Variants in PHTF1 observed in about 807,000 individuals in gnomAD.
PHTF1 encodes putative homeodomain transcription factor 1, also known as protein PHTF1.
In PHTF1, 88 loss-of-function variants were observed where a neutral mutation model predicts 102.4. The observed-to-expected ratio is 0.86, with a 90% CI of 0.72 to 1.03. The LOEUF is 1.03. Ranked by LOEUF, PHTF1 falls within the 50% of genes least tolerant of loss-of-function variation. The probability of loss-of-function intolerance (pLI) is 0.00; values close to 1 mark genes in which losing one functional copy is unlikely to be tolerated. For synonymous variants in PHTF1, 289 were observed against 305.2 expected, an observed-to-expected ratio of 0.95 and a Z score of 0.55; for missense variants, 814 against 909.5, an observed-to-expected ratio of 0.89 and a Z score of 1.35.
chr1:113,732,180 GA>G (rs1189074874), intron 5 of PHTF1, among the ~76,000 whole-genome samples: 3 of 152,190 alleles, frequency 2.0e-5, no homozygotes, highest in African/African-American at 7.2e-5. Flanking sequence ...AAGCATGAGA[GA>G]AAATGTGGGA....
At position 113,757,689 on chromosome 1, in the gene PHTF1, A is replaced by G; in HGVS notation, c.102+10T>C. ...GTGAAACATAGGCGGAATCAAAGAA[A>G]TCAATTTACCTTAATCTGAGTCTGT... is the stretch of plus-strand genomic sequence containing the variant. On this transcript the variant is annotated intron_variant, in intron 3 of 18. Transcript: ENST00000369604. The G allele has an allele frequency of 6.3e-7, 1 of 1,582,886 alleles. No individual in the cohort carries two copies. The highest frequency in any genetic ancestry group is 8.7e-7 in the Non-Finnish European group (1 of 1,151,658).
chr1:113,758,758 G>C (rs1241715854), intron 1 of PHTF1, 25 bp from the exon 2 acceptor site: 2 of 1,592,458 alleles, frequency 1.3e-6, no homozygotes, highest in African/African-American at 2.7e-5. Context: ...AAACCAATCG[G>C]TGAGTCCAGC....
intron 7 of PHTF1, among the ~76,000 whole-genome samples, chr1:113,717,044 CA>C (rs1652166367): frequency 6.6e-6 from 1 of 151,964 alleles, no homozygotes; most frequent in South Asian, 2.1e-4. Flanking sequence ...ATACAAACAA[CA>C]AAAAGTTAAA....
chr1:113,706,851 CTTTTTTTTTTTTT>C (rs11363653), intron 11 of PHTF1, 129 bp from the exon 12 acceptor site: 4 of 217,654 alleles, frequency 1.8e-5, no homozygotes, highest in African/African-American at 4.4e-5. Context: ...TTCTTTCTTT[CTTTTTTTTTTTTT>C]TTTTTTTTTT....
In PHTF1 at chr1:113,726,333, G is replaced by C. The variant is rs1264933172; in HGVS notation, c.488+85C>G. On this transcript the variant is annotated intron_variant, in intron 6 of 18. Transcript: ENST00000369604. ...AATAATGAAAAACACAAAAGAGGGA[G>C]ATTTTAAATTAATCAAAGGTTTTAT... The C allele has an allele frequency of 5.8e-6, 6 of 1,042,644 alleles. No homozygotes were observed. In the Admixed American group the frequency reaches 1.6e-4, roughly 28 times the overall value. 64.6% of individuals were successfully genotyped at this position (1,042,644 alleles called of 1,614,324 possible). A position where few individuals can be genotyped will look rare whatever the true frequency, so the allele number is the denominator to read the frequency against.
chr1:113,697,678 AG>A lies in PHTF1; in HGVS notation c.*26del. 6.6e-7 allele frequency: 1 copy of A among 1,508,628 alleles called. No homozygotes were observed. The highest frequency in any genetic ancestry group is 9.0e-7 in the Non-Finnish European group (1 of 1,109,000). The allele number at this position is 1,508,628 out of a possible 1,614,324, so 93.5% of individuals were successfully genotyped here. A position where few individuals can be genotyped will look rare whatever the true frequency, so the allele number is the denominator to read the frequency against. On this transcript the variant is annotated 3_prime_UTR_variant, in exon 19 of 19. Coordinates refer to ENST00000369604, the MANE Select transcript of PHTF1 (RefSeq NM_001323043.2). ...TGATAGGTAAGTTTTGATACCAGCCAGGGGAGAGTCCAGGCATTTACTCAGC... is the reference window on the plus strand; with the variant it reads ...TGATAGGTAAGTTTTGATACCAGCCAGGGAGAGTCCAGGCATTTACTCAGC...
chr1:113,701,859 A>AAAAAAAAAAAAAAAAAAAT (rs1649489061), intron 15 of PHTF1, among the ~76,000 whole-genome samples: 2 of 138,144 alleles, frequency 1.4e-5, no homozygotes, highest in African/African-American at 2.8e-5. Context: ...AAAAAAAAAA[A>AAAAAAAAAAAAAAAAAAAT]TCATTCAGAA....
intron 3 of PHTF1, among the ~76,000 whole-genome samples, chr1:113,739,436 C>CT (rs1424497992): frequency 3.3e-5 from 5 of 152,068 alleles, no homozygotes; most frequent in Admixed American, 1.3e-4. Context: ...TAACTTCCAT[C>CT]TTTTTTTTGC....
intron 10 of PHTF1, 142 bp downstream of exon 10, chr1:113,711,604 G>C: frequency 1.6e-6 from 1 of 625,214 alleles, no homozygotes. Context: ...AAAGCTGCTA[G>C]ATAAGGAGAT....
intron 3 of PHTF1, chr1:113,746,871 A>G (rs1390199542): frequency 1.1e-6 from 1 of 905,024 alleles, no homozygotes; most frequent in African/African-American, 1.8e-5. Context: ...TGATTCATAC[A>G]TCCTAGCTAT....
Position 113,726,537 on chromosome 1 carries a change from C to T in PHTF1, c.369G>A (p.Val123=), listed in dbSNP as rs1653863046. The stretch of plus-strand genomic sequence containing the variant: ...AGGGTCCAAGTACTTCACTTATGTT[C>T]ACAATAGGCATCATCAAATATAAGA... ...AIVLYLMMPI[V]NISEVLGPLC... Residue 123 remains valine (V), a synonymous_variant, in exon 6 of 19, where the codon GTG becomes GTA. Coordinates refer to ENST00000369604, the MANE Select transcript of PHTF1 (RefSeq NM_001323043.2). 6.2e-7 allele frequency: 1 copy of T among 1,601,938 alleles called. No individual in the cohort carries two copies. Among genetic ancestry groups the T allele is most frequent in the South Asian group, 1.1e-5 (1 of 88,684 alleles).
intron 3 of PHTF1, among the ~76,000 whole-genome samples, chr1:113,743,497 T>C (rs922641575): frequency 1.3e-5 from 2 of 152,214 alleles, no homozygotes; most frequent in African/African-American, 4.8e-5. Flanking sequence ...GAGTCCACTC[T>C]AAAATTAAAC....
At chr1:113,750,261 G>GT (rs1557973028) in intron 3 of PHTF1, among the ~76,000 whole-genome samples, 1 of 152,088 alleles carries the variant, frequency 6.6e-6, no homozygotes, top group Admixed American at 6.6e-5. Flanking sequence ...GATTATAGGC[G>GT]TGAGCGACCA....
At chr1:113,746,781 A>C (rs1259867364) in intron 3 of PHTF1, 1 of 556,090 alleles carries the variant, frequency 1.8e-6, no homozygotes, top group Non-Finnish European at 2.3e-6. Flanking sequence ...TGTAAAATTA[A>C]ATCTTTATTT....
chr1:113,745,079 C>T (rs1657023608), intron 3 of PHTF1, among the ~76,000 whole-genome samples: 1 of 151,222 alleles, frequency 6.6e-6, no homozygotes, highest in South Asian at 2.1e-4. Flanking sequence ...CATGAGAGGA[C>T]CCAGGAATAA....
intron 11 of PHTF1, among the ~76,000 whole-genome samples, chr1:113,708,706 G>A (rs1650591022): frequency 6.6e-6 from 1 of 152,054 alleles, no homozygotes; most frequent in African/African-American, 2.4e-5. Flanking sequence ...AGAAATACAG[G>A]GAATAAAAGA....
chr1:113,751,022 G>C (rs1378092398), intron 3 of PHTF1, among the ~76,000 whole-genome samples: 3 of 152,106 alleles, frequency 2.0e-5, no homozygotes, highest in African/African-American at 7.2e-5. Flanking sequence ...AGCACTTTGG[G>C]AGGCCAGGGA....
intron 5 of PHTF1, among the ~76,000 whole-genome samples, chr1:113,732,109 G>T (rs561639928): frequency 6.6e-6 from 1 of 152,168 alleles, no homozygotes; most frequent in South Asian, 2.1e-4. Context: ...GGTTTTGGGG[G>T]GTCTTTTGGT....
chr1:113,745,364 AAAGAGAGAT>A (rs1657064454), intron 3 of PHTF1, among the ~76,000 whole-genome samples: 1 of 152,212 alleles, frequency 6.6e-6, no homozygotes, highest in Non-Finnish European at 1.5e-5. Flanking sequence ...GATGGAGGGT[AAAGAGAGAT>A]AGGAAGCAAG....
Sources: gnomAD v4.1 joint callset for allele counts (sites outside exome capture counted in the v4.1 genomes callset) on GRCh38, gnomAD v4.1.1 for gene constraint, MANE v1.5 for transcripts, NCBI Gene and HGNC (gene_info 2026-07-23, HGNC 2026-07-21) for gene names.